Variants in TGFBI observed in about 807,000 individuals in gnomAD.
TGFBI encodes the protein transforming growth factor-beta-induced protein ig-h3.
Under a neutral mutation model 73.7 loss-of-function variants are expected in TGFBI, and 50 were observed. That is an observed-to-expected ratio of 0.68 (90% confidence interval 0.54 to 0.86). TGFBI has a LOEUF of 0.86. Ranked by LOEUF, TGFBI falls within the 40% of genes least tolerant of loss-of-function variation. The pLI, the probability that TGFBI is intolerant of heterozygous loss-of-function variation, is 0.00. For missense variants in TGFBI, 839 were observed against 877.0 expected (o/e 0.96, Z 0.55); for synonymous variants, 362 against 360.5 (o/e 1.00, Z -0.05).
At chr5:136,040,111 T>G (rs2126905775) in intron 2 of TGFBI, among the ~76,000 whole-genome samples, 1 of 152,358 alleles carries the variant, frequency 6.6e-6, no homozygotes, top group African/African-American at 2.4e-5. Flanking sequence ...TTAAATTATA[T>G]TAACTTCTTG....
chr5:136,052,906 G>C lies in TGFBI; in HGVS notation c.914-1G>C, dbSNP rs1751559981. The C allele has an allele frequency of 6.2e-7, 1 of 1,613,406 alleles. No individual in the cohort carries two copies. Among genetic ancestry groups the C allele is most frequent in the African/African-American group, 1.3e-5 (1 of 74,946 alleles). On this transcript the variant is annotated splice_acceptor_variant, in intron 7 of 16. Transcript: ENST00000442011. LOFTEE classifies it high-confidence loss of function. ...TTGACCTGAGTCTGTTTGGACCCCAGACCTGCTGAACAACCACATCTTGAA... is the reference window on the plus strand; with the variant it reads ...TTGACCTGAGTCTGTTTGGACCCCACACCTGCTGAACAACCACATCTTGAA...
At position 136,055,734 on chromosome 5, in the gene TGFBI, G is replaced by A. The variant is rs548047307; in HGVS notation, c.1465G>A (p.Gly489Arg). ...GGCCCACGACAAGAGGGGGAGGTACGGGACCCTGTTCACGATGGACCGGGT... is the reference window on the plus strand; with the variant it reads ...GGCCCACGACAAGAGGGGGAGGTACAGGACCCTGTTCACGATGGACCGGGT... ...IAAHDKRGRY[G>R]TLFTMDRVLT... The change falls in exon 11 of 17, where the codon GGG becomes AGG. Residue 489 changes from glycine (G) to arginine (R), a missense_variant. Transcript: ENST00000442011. 4.3e-6 allele frequency: 7 copies of A among 1,612,520 alleles called. No homozygotes were observed. The highest frequency in any genetic ancestry group is 1.6e-4 in the Middle Eastern group (1 of 6,062).
intron 12 of TGFBI, among the ~76,000 whole-genome samples, chr5:136,058,389 C>T (rs1273440946): frequency 6.6e-6 from 1 of 152,052 alleles, no homozygotes. Context: ...TTCGGAATGA[C>T]CTCCCACACT....
intron 2 of TGFBI, among the ~76,000 whole-genome samples, chr5:136,043,556 G>A (rs1356622080): frequency 1.3e-5 from 2 of 152,276 alleles, no homozygotes; most frequent in South Asian, 2.1e-4. Context: ...GAGATTTAAT[G>A]ACCACTGCCT....
At chr5:136,039,925 C>A (rs1751299854) in intron 2 of TGFBI, among the ~76,000 whole-genome samples, 2 of 152,220 alleles carry the variant, frequency 1.3e-5, no homozygotes, top group Admixed American at 1.3e-4. Context: ...CGTTATGGGT[C>A]TGTGTTTGCT....
At chr5:136,060,810 A>G in intron 13 of TGFBI, 24 bp from the exon 14 acceptor site, 1 of 1,532,694 alleles carries the variant, frequency 6.5e-7, no homozygotes, top group Non-Finnish European at 9.0e-7. Flanking sequence ...TCTACTTTCA[A>G]CCACTACTCT....
intron 7 of TGFBI, among the ~76,000 whole-genome samples, chr5:136,050,530 C>T (rs1489318310): frequency 6.6e-6 from 1 of 152,156 alleles, no homozygotes; most frequent in Admixed American, 6.5e-5. Context: ...TCCCCCTACC[C>T]TGCCCCTTTC....
chr5:136,061,317 C>A, intron 14 of TGFBI, 183 bp from the exon 15 acceptor site: 2 of 623,660 alleles, frequency 3.2e-6, no homozygotes, highest in Admixed American at 4.8e-5. Flanking sequence ...TGTGTGCATT[C>A]ACCTTTCTTG....
At chr5:136,037,613 C>A (rs1359350966) in intron 2 of TGFBI, among the ~76,000 whole-genome samples, 2 of 152,178 alleles carry the variant, frequency 1.3e-5, no homozygotes, top group Non-Finnish European at 2.9e-5. Context: ...TGGGTGGCAG[C>A]TATTCATTCC....
At chr5:136,041,249 C>A (rs1213877511) in intron 2 of TGFBI, among the ~76,000 whole-genome samples, 1 of 152,218 alleles carries the variant, frequency 6.6e-6, no homozygotes, top group East Asian at 1.9e-4. Flanking sequence ...AGCTTCCTGG[C>A]TGAAAGCCAC....
chr5:136,059,706 G>A lies in TGFBI; in HGVS notation c.1803+492G>A, dbSNP rs1450826003. Among the ~76,000 whole-genome samples, 3 of 152,172 alleles carry A rather than the reference G, an allele frequency of 2.0e-5. No homozygotes were observed. In the East Asian group the frequency reaches 5.8e-4, roughly 29 times the overall value. On this transcript the variant is annotated intron_variant, in intron 13 of 16. Transcript: ENST00000442011. Reference sequence around the variant, plus strand: ...ACTAAGAGTGTTCCTAAAGCAGATAGCCAGCCGAGCTCCAGAAATCTCCCT... The same window carrying A: ...ACTAAGAGTGTTCCTAAAGCAGATAACCAGCCGAGCTCCAGAAATCTCCCT...
intron 2 of TGFBI, among the ~76,000 whole-genome samples, chr5:136,034,439 C>G (rs1274768500): frequency 2.0e-5 from 3 of 151,978 alleles, no homozygotes; most frequent in African/African-American, 7.3e-5. Flanking sequence ...CAAAAGGACC[C>G]ACCTTATGGG....
At chr5:136,033,199 G>A (rs1394736795) in intron 1 of TGFBI, among the ~76,000 whole-genome samples, 1 of 152,218 alleles carries the variant, frequency 6.6e-6, no homozygotes, top group Non-Finnish European at 1.5e-5. Context: ...TCCACTGTCA[G>A]AGGATGGGAA....
chr5:136,058,011 C>T (rs1022367238), intron 12 of TGFBI, among the ~76,000 whole-genome samples: 1 of 152,100 alleles, frequency 6.6e-6, no homozygotes, highest in Non-Finnish European at 1.5e-5. Context: ...AACACACCCT[C>T]CCCCAGGCCT....
chr5:136,062,004 G>C (rs1470456334), intron 15 of TGFBI, among the ~76,000 whole-genome samples: 2 of 152,118 alleles, frequency 1.3e-5, no homozygotes, highest in Non-Finnish European at 2.9e-5. Context: ...GGCTCTCCTG[G>C]GCACTGTATG....
intron 14 of TGFBI, 27 bp from the exon 15 acceptor site, chr5:136,061,473 C>T: frequency 6.4e-7 from 1 of 1,554,850 alleles, no homozygotes; most frequent in Middle Eastern, 1.7e-4. Flanking sequence ...TCACTCTGGT[C>T]AAACCTGCCT....
Position 136,062,702 on chromosome 5 carries a change from G to A in TGFBI, c.2011+15G>A. The A allele has an allele frequency of 6.4e-7, 1 of 1,565,618 alleles. No individual in the cohort carries two copies. Among genetic ancestry groups the A allele is most frequent in the African/African-American group, 1.4e-5 (1 of 74,046 alleles). On this transcript the variant is annotated intron_variant, in intron 16 of 16. Coordinates refer to ENST00000442011, the MANE Select transcript of TGFBI (RefSeq NM_000358.3). The stretch of plus-strand genomic sequence containing the variant: ...TGTGCGACTAGGTGAGTCTGGTCTG[G>A]GTTTGAAGTCATTGCAGACCTGTTT...
At chr5:136,033,695 C>T (rs765432046) in intron 1 of TGFBI, 68 bp from the exon 2 acceptor site, 19 of 1,358,076 alleles carry the variant, frequency 1.4e-5, no homozygotes, top group Non-Finnish European at 1.9e-5. Context: ...GAGGCAAACA[C>T]GATGGGAGTC....
At chr5:136,050,334 GA>G (rs10706409) in intron 7 of TGFBI, among the ~76,000 whole-genome samples, 92,600 of 131,436 alleles carry the variant, frequency 0.7, 31,035 homozygotes, top group Non-Finnish European at 0.74. Flanking sequence ...TCCGTCTCAA[GA>G]AAAAAAAAAA....
Sources: gnomAD v4.1 joint callset for allele counts (sites outside exome capture counted in the v4.1 genomes callset) on GRCh38, gnomAD v4.1.1 for gene constraint, MANE v1.5 for transcripts, NCBI Gene and HGNC (gene_info 2026-07-23, HGNC 2026-07-21) for gene names.